The following DNER variants were observed in gnomAD, a reference collection of about 807,000 sequenced individuals.
The protein encoded by DNER is delta and Notch-like epidermal growth factor-related receptor.
DNER carries 33 observed loss-of-function variants against 78.2 expected under a neutral mutation model. The observed-to-expected ratio is 0.42, with a 90% CI of 0.32 to 0.56. The LOEUF is 0.56. Ranked by LOEUF, DNER falls within the 20% of genes least tolerant of loss-of-function variation. The probability of loss-of-function intolerance (pLI) is 0.11; values close to 1 mark genes in which losing one functional copy is unlikely to be tolerated. For synonymous variants in DNER, 417 were observed against 384.8 expected (o/e 1.08, Z -0.98); for missense variants, 918 against 975.3 (o/e 0.94, Z 0.78).
chr2:229,684,384 G>T (rs1427437943), intron 1 of DNER, among the ~76,000 whole-genome samples: 1 of 151,546 alleles, frequency 6.6e-6, no homozygotes, highest in African/African-American at 2.4e-5. Context: ...CCTCTTCATC[G>T]GCTCTTCCTC....
chr2:229,529,559 T>C (rs1045086066), intron 5 of DNER, among the ~76,000 whole-genome samples: 3 of 152,232 alleles, frequency 2.0e-5, no homozygotes, highest in African/African-American at 7.2e-5. Flanking sequence ...TAGCATTTAA[T>C]TTGGCTAACG....
At chr2:229,543,627 G>A (rs1248274111) in intron 5 of DNER, among the ~76,000 whole-genome samples, 2 of 152,150 alleles carry the variant, frequency 1.3e-5, no homozygotes, top group African/African-American at 2.4e-5. Context: ...AGGCCTGGGG[G>A]AAGATCTGTG....
rs1330755944 is a variant in DNER, at chr2:229,617,866, C to T, written c.277-25978G>A. Among the ~76,000 whole-genome samples the T allele has an allele frequency of 2.0e-5, 3 of 152,118 alleles. 1 individual carries two copies. The highest frequency in any genetic ancestry group is 3.9e-4 in the East Asian group (2 of 5,194). The stretch of plus-strand genomic sequence containing the variant: ...ACTTAGGAGGCTGTGGTGGGAGGAT[C>T]GCTTGAGCCCAGGAGGTCAAAACTG... On this transcript the variant is annotated intron_variant, in intron 1 of 12. Transcript: ENST00000341772.
intron 10 of DNER, among the ~76,000 whole-genome samples, chr2:229,390,031 G>C (rs966060134): frequency 6.6e-6 from 1 of 152,180 alleles, no homozygotes; most frequent in Non-Finnish European, 1.5e-5. Context: ...TTACATGGCA[G>C]ACTGGTTGAA....
chr2:229,498,278 C>T (rs1695541148), intron 6 of DNER, among the ~76,000 whole-genome samples: 1 of 152,084 alleles, frequency 6.6e-6, no homozygotes. Context: ...GAATGTAGCT[C>T]AACACGATAA....
chr2:229,604,515 G>A (rs1279186415), intron 1 of DNER, among the ~76,000 whole-genome samples: 1 of 152,158 alleles, frequency 6.6e-6, no homozygotes, highest in East Asian at 1.9e-4. Flanking sequence ...GTGAAACCAG[G>A]TGCAAGAGCA....
In DNER at chr2:229,387,509, G is replaced by GAGAAAGAA. The variant is rs67136130; in HGVS notation, c.1855+748_1855+755dup. On this transcript the variant is annotated intron_variant, in intron 11 of 12. Transcript: ENST00000341772. Reference sequence around the variant, plus strand: ...AAAGAAAGAAAGAAAGAAAGAAAGAGAGAAAGAAAGAAAGAAAGAAAGAAA... The same window carrying GAGAAAGAA: ...AAAGAAAGAAAGAAAGAAAGAAAGAGAGAAAGAAAGAAAGAAAGAAAGAAAGAAAGAAA... 5.3e-3 allele frequency among the ~76,000 whole-genome samples: 402 copies of GAGAAAGAA among 76,146 alleles called. 2 individuals carry two copies. The highest frequency in any genetic ancestry group is 7.8e-3 in the East Asian group (17 of 2,186). The allele number at this position is 76,146 out of a possible 152,430, so 50.0% of individuals were successfully genotyped here.
chr2:229,446,375 C>G (rs1017901574), intron 8 of DNER, among the ~76,000 whole-genome samples: 3 of 151,952 alleles, frequency 2.0e-5, no homozygotes, highest in Admixed American at 6.6e-5. Flanking sequence ...AGGTGACTGT[C>G]GGAACCCAGA....
chr2:229,376,820 T>A (rs207653), intron 11 of DNER, among the ~76,000 whole-genome samples: 4,328 of 152,262 alleles, frequency 0.028, 204 homozygotes, highest in African/African-American at 0.098. Context: ...GGGATCTGGA[T>A]AAGGAGAGAT....
At chr2:229,517,443 A>C (rs1696002663) in intron 5 of DNER, among the ~76,000 whole-genome samples, 1 of 152,262 alleles carries the variant, frequency 6.6e-6, no homozygotes, top group African/African-American at 2.4e-5. Flanking sequence ...TGTACTGAGA[A>C]AGTGAAAACA....
At chr2:229,387,159 A>C (rs1006022744) in intron 11 of DNER, among the ~76,000 whole-genome samples, 14 of 152,168 alleles carry the variant, frequency 9.2e-5, no homozygotes, top group African/African-American at 3.1e-4. Context: ...AAAAAGGATG[A>C]GTTCCTGTCC....
chr2:229,466,011 C>T (rs1694797542), intron 7 of DNER, among the ~76,000 whole-genome samples: 1 of 152,128 alleles, frequency 6.6e-6, no homozygotes, highest in African/African-American at 2.4e-5. Context: ...GCAATGCATT[C>T]AGCATTAAAG....
chr2:229,517,990 G>A (rs1449685330), intron 5 of DNER, among the ~76,000 whole-genome samples: 1 of 152,152 alleles, frequency 6.6e-6, no homozygotes, highest in Non-Finnish European at 1.5e-5. Flanking sequence ...TAGTAATGTC[G>A]CTCTACGTTA....
chr2:229,395,271 C>T (rs1693110492), intron 10 of DNER, among the ~76,000 whole-genome samples: 1 of 152,174 alleles, frequency 6.6e-6, no homozygotes, highest in Non-Finnish European at 1.5e-5. Context: ...CAAGGGGATA[C>T]TCATTTCTTT....
intron 12 of DNER, among the ~76,000 whole-genome samples, chr2:229,360,323 G>A (rs906524646): frequency 6.6e-6 from 1 of 152,172 alleles, no homozygotes; most frequent in Admixed American, 6.5e-5. Flanking sequence ...TTTGACTTGA[G>A]GGCCAACAAA....
rs772459548 is a variant in DNER, at chr2:229,410,245, C to G, written c.1610-2900G>C. ...CCACCACTGTGCCTTGAGAGCATGC[C>G]GGGACTGTCATTGTCACGGAGTTCA... is the stretch of plus-strand genomic sequence containing the variant. On this transcript the variant is annotated intron_variant, in intron 9 of 12. Coordinates refer to ENST00000341772, the MANE Select transcript of DNER (RefSeq NM_139072.4). Among the ~76,000 whole-genome samples the G allele has an allele frequency of 5.1e-4, 78 of 152,160 alleles. 1 individual carries two copies. Among genetic ancestry groups the G allele is most frequent in the Non-Finnish European group, 5.9e-5 (4 of 68,030 alleles).
At chr2:229,694,482 A>G (rs11899738) in intron 1 of DNER, among the ~76,000 whole-genome samples, 127,751 of 152,100 alleles carry the variant, frequency 0.84, 53,901 homozygotes, top group East Asian at 0.94. Context: ...GAAAGCAGAC[A>G]GAAGAGGGGG....
intron 8 of DNER, among the ~76,000 whole-genome samples, chr2:229,423,944 C>T (rs895535207): frequency 3.3e-5 from 5 of 152,202 alleles, no homozygotes; most frequent in Non-Finnish European, 7.3e-5. Context: ...TTGATTATCA[C>T]GTCTCTTCCT....
At chr2:229,360,273 G>A (rs894364665) in intron 12 of DNER, among the ~76,000 whole-genome samples, 2 of 152,180 alleles carry the variant, frequency 1.3e-5, no homozygotes, top group African/African-American at 4.8e-5. Context: ...GCAACCCAGT[G>A]AAGAGCTCTC....
Sources: gnomAD v4.1 joint callset for allele counts (sites outside exome capture counted in the v4.1 genomes callset) on GRCh38, gnomAD v4.1.1 for gene constraint, MANE v1.5 for transcripts, NCBI Gene and HGNC (gene_info 2026-07-23, HGNC 2026-07-21) for gene names.